Variants in LINGO1 observed in about 807,000 individuals in gnomAD.
LINGO1 encodes the protein leucine-rich repeat and immunoglobulin-like domain-containing nogo receptor-interacting protein 1.
In LINGO1, 11 loss-of-function variants were observed where a neutral mutation model predicts 37.3. The ratio of observed to expected loss-of-function variants is 0.29; its 90% CI spans 0.19 to 0.49. The LOEUF is 0.49. Ranked by LOEUF, LINGO1 falls within the 20% of genes least tolerant of loss-of-function variation. LINGO1 has a pLI of 0.99. For synonymous variants in LINGO1, 387 were observed against 403.0 expected (o/e 0.96, Z 0.48); for missense variants, 585 against 878.2 (o/e 0.67, Z 4.22).
intron 2 of LINGO1, among the ~76,000 whole-genome samples, chr15:77,688,492 T>C (rs1204892490): frequency 6.6e-6 from 1 of 152,172 alleles, no homozygotes; most frequent in Admixed American, 6.5e-5. Flanking sequence ...ATGCTAGTCC[T>C]GACCCTCGGA....
At chr15:77,800,664 C>T (rs1382754443) in intron 1 of LINGO1, among the ~76,000 whole-genome samples, 1 of 152,114 alleles carries the variant, frequency 6.6e-6, no homozygotes, top group East Asian at 1.9e-4. Context: ...GTTTATATGC[C>T]AGACATTAAA....
At chr15:77,753,406 GT>G (rs2076390009) in intron 1 of LINGO1, among the ~76,000 whole-genome samples, 2 of 152,362 alleles carry the variant, frequency 1.3e-5, no homozygotes, top group South Asian at 4.1e-4. Flanking sequence ...TGGAGGCTAT[GT>G]TCAGCTGGGA....
At chr15:77,679,560 A>T (rs2075380625) in intron 2 of LINGO1, among the ~76,000 whole-genome samples, 1 of 152,178 alleles carries the variant, frequency 6.6e-6, no homozygotes, top group Non-Finnish European at 1.5e-5. Flanking sequence ...AAAGACAGAG[A>T]TGCTATCAAT....
chr15:77,764,749 C>T (rs780526738), intron 1 of LINGO1, among the ~76,000 whole-genome samples: 5 of 152,150 alleles, frequency 3.3e-5, no homozygotes, highest in Non-Finnish European at 7.3e-5. Context: ...CTGGGGGGAA[C>T]GATTTGACCT....
chr15:77,629,878 A>G (rs1374988620), intron 1 of LINGO1, among the ~76,000 whole-genome samples: 2 of 152,084 alleles, frequency 1.3e-5, no homozygotes, highest in Non-Finnish European at 2.9e-5. Flanking sequence ...GCTGTGGGTG[A>G]CTGGAGAAGG....
chr15:77,675,130 A>T (rs947263108), intron 3 of LINGO1, among the ~76,000 whole-genome samples: 1 of 152,210 alleles, frequency 6.6e-6, no homozygotes, highest in South Asian at 2.1e-4. Context: ...AATAATTCCT[A>T]TGATTGGCAA....
intron 2 of LINGO1, among the ~76,000 whole-genome samples, chr15:77,728,638 G>C (rs747118442): frequency 6.6e-6 from 1 of 152,204 alleles, no homozygotes; most frequent in Non-Finnish European, 1.5e-5. Context: ...CTCTGGGCCC[G>C]TTTCCATGTC....
upstream of LINGO1, among the ~76,000 whole-genome samples, chr15:77,697,404 G>A (rs1242601503): frequency 6.6e-6 from 1 of 152,136 alleles, no homozygotes; most frequent in African/African-American, 2.4e-5. Flanking sequence ...CAGGGCCTGC[G>A]GGTGGGGACA....
At chr15:77,706,581 C>T (rs528196799) in intron 2 of LINGO1, among the ~76,000 whole-genome samples, 1 of 152,260 alleles carries the variant, frequency 6.6e-6, no homozygotes, top group South Asian at 2.1e-4. Context: ...CCTGAACACA[C>T]CAAGGTTCTC....
chr15:77,664,170 T>TGTGCGCGCGC lies in LINGO1; in HGVS notation c.-13+12918_-13+12919insGCGCGCGCAC. ...GTGTGTGTGTGTGTGTGTGTGTGTG[T>TGTGCGCGCGC]GCGCGCGCGCATGCGTTTGCATTCT... is the stretch of plus-strand genomic sequence containing the variant. On this transcript the variant is annotated intron_variant, in intron 3 of 3. Coordinates refer to the LINGO1 transcript ENST00000559893. 4.2e-3 allele frequency among the ~76,000 whole-genome samples: 547 copies of TGTGCGCGCGC among 130,942 alleles called. 6 individuals carry two copies. Among genetic ancestry groups the TGTGCGCGCGC allele is most frequent in the African/African-American group, 0.019 (521 of 27,226 alleles). 85.9% of individuals were successfully genotyped at this position (130,942 alleles called of 152,430 possible).
intron 3 of LINGO1, among the ~76,000 whole-genome samples, chr15:77,673,512 T>A (rs1057223102): frequency 9.2e-5 from 14 of 152,222 alleles, no homozygotes; most frequent in African/African-American, 3.4e-4. Flanking sequence ...ATGCTTGAAA[T>A]GCATCTTGCC....
intron 3 of LINGO1, among the ~76,000 whole-genome samples, chr15:77,670,671 G>A (rs2075232458): frequency 6.6e-6 from 1 of 152,246 alleles, no homozygotes; most frequent in Non-Finnish European, 1.5e-5. Context: ...CCAGGCTCAA[G>A]GTCATTTGCC....
intron 1 of LINGO1, among the ~76,000 whole-genome samples, chr15:77,770,135 T>C (rs1277817004): frequency 6.6e-6 from 1 of 152,114 alleles, no homozygotes; most frequent in Non-Finnish European, 1.5e-5. Context: ...GACCCTGTGG[T>C]GTTCCCAGGC....
At chr15:77,695,677 C>A (rs1057002106) in intron 1 of LINGO1, among the ~76,000 whole-genome samples, 3 of 152,090 alleles carry the variant, frequency 2.0e-5, no homozygotes, top group Non-Finnish European at 2.9e-5. Context: ...CTGGGCAAGG[C>A]CATCTGCCCA....
chr15:77,798,907 G>A (rs1218218793), intron 1 of LINGO1, among the ~76,000 whole-genome samples: 2 of 151,896 alleles, frequency 1.3e-5, no homozygotes, highest in Non-Finnish European at 1.5e-5. Context: ...CTGGCACCCG[G>A]TACACACTCA....
intron 2 of LINGO1, among the ~76,000 whole-genome samples, chr15:77,685,967 G>A (rs986546905): frequency 1.3e-5 from 2 of 152,226 alleles, no homozygotes; most frequent in Admixed American, 6.5e-5. Context: ...CTGTCCTGGG[G>A]CCTGGGCTTC....
At chr15:77,703,813 T>C (rs1042630847) in intron 2 of LINGO1, among the ~76,000 whole-genome samples, 2 of 152,062 alleles carry the variant, frequency 1.3e-5, no homozygotes, top group Admixed American at 6.5e-5. Flanking sequence ...AAGGTCTCCT[T>C]GTCCATCCTC....
chr15:77,671,826 A>G (rs1269329376), intron 3 of LINGO1, among the ~76,000 whole-genome samples: 1 of 152,190 alleles, frequency 6.6e-6, no homozygotes. Flanking sequence ...AAACTGGAGG[A>G]GGCCCCAGAT....
chr15:77,758,869 G>T (rs180738453), intron 1 of LINGO1, among the ~76,000 whole-genome samples: 1 of 151,766 alleles, frequency 6.6e-6, no homozygotes, highest in Non-Finnish European at 1.5e-5. Flanking sequence ...TCAGAAGCGG[G>T]GGGAGGAAAA....
Sources: gnomAD v4.1 joint callset for allele counts (sites outside exome capture counted in the v4.1 genomes callset) on GRCh38, gnomAD v4.1.1 for gene constraint, MANE v1.5 for transcripts, NCBI Gene and HGNC (gene_info 2026-07-23, HGNC 2026-07-21) for gene names.